ADK: variants seen among roughly 807,000 people sequenced by gnomAD.
The protein encoded by ADK is adenosine kinase.
In ADK, 24 loss-of-function variants were observed where a neutral mutation model predicts 44.7. The observed-to-expected ratio is 0.54, with a 90% CI of 0.39 to 0.76. ADK has a LOEUF of 0.76. Ranked by LOEUF, ADK falls within the 30% of genes least tolerant of loss-of-function variation. ADK has a pLI of 0.00. For synonymous variants in ADK, 128 were observed against 142.6 expected (o/e 0.90, Z 0.73); for missense variants, 321 against 425.1 (o/e 0.76, Z 2.15).
intron 7 of ADK, among the ~76,000 whole-genome samples, chr10:74,544,766 G>A (rs1849765217): frequency 6.6e-6 from 1 of 152,034 alleles, no homozygotes; most frequent in African/African-American, 2.4e-5. Context: ...GGAGGCTGAG[G>A]CAGGAGAATC....
intron 3 of ADK, among the ~76,000 whole-genome samples, chr10:74,258,001 C>T (rs1305699438): frequency 6.6e-6 from 1 of 152,182 alleles, no homozygotes; most frequent in Non-Finnish European, 1.5e-5. Context: ...GAACTGCAGA[C>T]ACTACTTCTG....
intron 3 of ADK, among the ~76,000 whole-genome samples, chr10:74,258,299 TTAA>T (rs1845901870): frequency 6.6e-6 from 1 of 152,158 alleles, no homozygotes; most frequent in East Asian, 1.9e-4. Context: ...AAGGTCAATA[TTAA>T]TAATTGGTTT....
At chr10:74,327,493 AT>A (rs1386074071) in intron 4 of ADK, among the ~76,000 whole-genome samples, 1 of 152,198 alleles carries the variant, frequency 6.6e-6, no homozygotes, top group Non-Finnish European at 1.5e-5. Flanking sequence ...TGTTCTGTAA[AT>A]GTCTGTTAGG....
intron 1 of ADK, among the ~76,000 whole-genome samples, chr10:74,176,008 T>G (rs902909051): frequency 1.3e-5 from 2 of 152,096 alleles, no homozygotes; most frequent in African/African-American, 2.4e-5. Flanking sequence ...CCCGCATGCT[T>G]CTTTGGAAAG....
chr10:74,614,080 T>C (rs1852654924), intron 9 of ADK, among the ~76,000 whole-genome samples: 1 of 152,178 alleles, frequency 6.6e-6, no homozygotes, highest in Admixed American at 6.5e-5. Flanking sequence ...GATAAACTCC[T>C]TTAATTAATT....
intron 3 of ADK, among the ~76,000 whole-genome samples, chr10:74,284,656 C>T (rs939995236): frequency 1.3e-5 from 2 of 152,216 alleles, no homozygotes; most frequent in African/African-American, 4.8e-5. Context: ...CCCCTTCCAT[C>T]TCTCCAACTC....
At chr10:74,434,917 C>A (rs1270098282) in intron 6 of ADK, among the ~76,000 whole-genome samples, 2 of 152,152 alleles carry the variant, frequency 1.3e-5, no homozygotes, top group Non-Finnish European at 2.9e-5. Context: ...TGTTGGAGAG[C>A]ACCTGTGGTG....
intron 10 of ADK, among the ~76,000 whole-genome samples, chr10:74,677,763 C>T (rs545756801): frequency 6.6e-6 from 1 of 152,012 alleles, no homozygotes; most frequent in Non-Finnish European, 1.5e-5. Flanking sequence ...GACATCTTCT[C>T]TGTTTTATTT....
At chr10:74,273,818 T>G (rs1244274617) in intron 3 of ADK, among the ~76,000 whole-genome samples, 1 of 152,168 alleles carries the variant, frequency 6.6e-6, no homozygotes, top group East Asian at 1.9e-4. Flanking sequence ...CCAAAACTAC[T>G]TCAGTGTCCA....
chr10:74,451,559 G>A (rs1314272577), intron 6 of ADK, among the ~76,000 whole-genome samples: 1 of 152,130 alleles, frequency 6.6e-6, no homozygotes, highest in African/African-American at 2.4e-5. Context: ...TCTTTCTGAA[G>A]TGACATCCAC....
intron 8 of ADK, among the ~76,000 whole-genome samples, chr10:74,595,693 ATT>A (rs1851893385): frequency 0.14 from 4 of 28 alleles, no homozygotes; most frequent in South Asian, 0.5. Context: ...AGTTCAACAG[ATT>A]AAAAAAATAG....
At chr10:74,368,297 G>C (rs1402731359) in intron 4 of ADK, among the ~76,000 whole-genome samples, 1 of 152,020 alleles carries the variant, frequency 6.6e-6, no homozygotes, top group African/African-American at 2.4e-5. Flanking sequence ...ATTTTTTGTA[G>C]AGACAGGGTT....
rs1445097845 is a variant in ADK at position 74,219,225 on chromosome 10, T to G, written c.141-5313T>G. 4.0e-5 allele frequency among the ~76,000 whole-genome samples: 6 copies of G among 151,678 alleles called. No individual in the cohort carries two copies. The South Asian group carries it at 1.3e-3, about 32-fold the overall frequency. On this transcript the variant is annotated intron_variant, in intron 2 of 10. Coordinates refer to ENST00000539909, the MANE Select transcript of ADK (RefSeq NM_006721.4). ...AAAGGCAGGGCTTGCAATCCTAGTC[T>G]CTGATAAAACAGACTTTAAACCAAC...
At chr10:74,531,951 A>T (rs547930995) in intron 7 of ADK, among the ~76,000 whole-genome samples, 2 of 152,214 alleles carry the variant, frequency 1.3e-5, no homozygotes, top group Admixed American at 1.3e-4. Context: ...CATTACCTTC[A>T]TACCAAAAAC....
At position 74,257,981 on chromosome 10, in the gene ADK, G is replaced by C. The variant is rs943717308; in HGVS notation, c.194+33390G>C. ...CTGGGCTGTAGTTACCACCCACAAGGGTATTGAGAGAACTGCAGACACTAC... is the reference window on the plus strand; with the variant it reads ...CTGGGCTGTAGTTACCACCCACAAGCGTATTGAGAGAACTGCAGACACTAC... On this transcript the variant is annotated intron_variant, in intron 3 of 10. Transcript: ENST00000539909. 2.0e-5 allele frequency among the ~76,000 whole-genome samples: 3 copies of C among 152,122 alleles called. No individual in the cohort carries two copies. In the East Asian group the frequency reaches 5.8e-4, roughly 29 times the overall value.
intron 3 of ADK, among the ~76,000 whole-genome samples, chr10:74,226,255 C>T (rs1289763402): frequency 6.6e-6 from 1 of 151,920 alleles, no homozygotes; most frequent in Non-Finnish European, 1.5e-5. Context: ...TTACAGGCAC[C>T]CGCCACCATG....
intron 9 of ADK, among the ~76,000 whole-genome samples, chr10:74,622,034 C>T (rs1030522759): frequency 1.3e-5 from 2 of 152,196 alleles, no homozygotes; most frequent in African/African-American, 2.4e-5. Context: ...ATGCCTTATA[C>T]TTGGTGTCTT....
intron 10 of ADK, among the ~76,000 whole-genome samples, chr10:74,672,081 G>A (rs1855209787): frequency 2.0e-5 from 3 of 151,998 alleles, no homozygotes. Flanking sequence ...AAAGCAATTG[G>A]GATTTTTTTG....
intron 1 of ADK, among the ~76,000 whole-genome samples, chr10:74,186,098 C>A (rs1842750539): frequency 6.6e-6 from 1 of 152,074 alleles, no homozygotes; most frequent in East Asian, 1.9e-4. Context: ...ATCTGCCTAC[C>A]TCGGCCTCCC....
Sources: allele counts gnomAD v4.1 joint callset (sites outside exome capture counted in the v4.1 genomes callset), GRCh38; gene constraint gnomAD v4.1.1; transcripts MANE v1.5; gene names NCBI Gene and HGNC (gene_info 2026-07-23, HGNC 2026-07-21).